The following TAFA5 variants were observed in gnomAD, a reference collection of about 807,000 sequenced individuals.
TAFA5 encodes the protein TAFA chemokine like family member 5, also known as chemokine-like protein TAFA-5.
In TAFA5, 6 loss-of-function variants were observed where a neutral mutation model predicts 15.3. The ratio of observed to expected loss-of-function variants is 0.39; its 90% CI spans 0.21 to 0.77. The LOEUF (loss-of-function observed/expected upper bound fraction) is 0.77. TAFA5 is among the 30% of genes least tolerant of loss of function. The pLI is 0.41. For synonymous variants in TAFA5, 103 were observed against 80.7 expected (o/e 1.28, Z -1.48); for missense variants, 161 against 193.1 (o/e 0.83, Z 0.98).
chr22:48,736,648 T>C (rs1212760522), intron 3 of TAFA5, among the ~76,000 whole-genome samples: 1 of 152,232 alleles, frequency 6.6e-6, no homozygotes, highest in Non-Finnish European at 1.5e-5. Flanking sequence ...TGGAATATTA[T>C]TCAGCCTTAA....
intron 2 of TAFA5, among the ~76,000 whole-genome samples, chr22:48,674,808 G>A (rs1025115057): frequency 3.3e-5 from 5 of 152,190 alleles, no homozygotes; most frequent in East Asian, 1.9e-4. Flanking sequence ...AGCCTGGCCC[G>A]ATGCACAGTT....
intron 1 of TAFA5, among the ~76,000 whole-genome samples, chr22:48,597,058 T>G (rs1252838804): frequency 1.3e-5 from 2 of 152,246 alleles, no homozygotes; most frequent in Non-Finnish European, 2.9e-5. Context: ...CCTCCCGTCT[T>G]GGCCTCCCCA....
At chr22:48,635,419 G>A (rs147006817) in intron 1 of TAFA5, among the ~76,000 whole-genome samples, 1 of 152,316 alleles carries the variant, frequency 6.6e-6, no homozygotes, top group East Asian at 1.9e-4. Context: ...CTGCCTTCCT[G>A]GCCGCCTCTA....
At chr22:48,661,727 A>G (rs1015885564) in intron 2 of TAFA5, among the ~76,000 whole-genome samples, 1 of 152,180 alleles carries the variant, frequency 6.6e-6, no homozygotes, top group African/African-American at 2.4e-5. Context: ...CCTTGTGAGT[A>G]ATGCTCTGGG....
intron 1 of TAFA5, among the ~76,000 whole-genome samples, chr22:48,522,182 G>C (rs1365540033): frequency 6.6e-6 from 1 of 152,028 alleles, no homozygotes; most frequent in Non-Finnish European, 1.5e-5. Context: ...GACGGTTGCT[G>C]TCCAAGACTG....
At chr22:48,614,293 C>G (rs528828112) in intron 1 of TAFA5, among the ~76,000 whole-genome samples, 8 of 152,344 alleles carry the variant, frequency 5.3e-5, no homozygotes, top group South Asian at 4.1e-4. Context: ...ATCTGCCCCC[C>G]ACAACTGTTT....
At chr22:48,506,755 C>T (rs1921007554) in intron 1 of TAFA5, among the ~76,000 whole-genome samples, 1 of 152,228 alleles carries the variant, frequency 6.6e-6, no homozygotes, top group South Asian at 2.1e-4. Context: ...TAGCAGTGAC[C>T]TCTTCCGGCC....
rs144684822 is a variant in TAFA5 at position 48,609,240 on chromosome 22, G to C, written c.113-37357G>C. 4.1e-3 allele frequency among the ~76,000 whole-genome samples: 619 copies of C among 152,296 alleles called. 3 individuals are homozygous for C. The highest frequency in any genetic ancestry group is 0.014 in the African/African-American group (595 of 41,552). ...AGGTTCCTGGGTGAGGCCTGAAGAGGGAGATTGTGTTTTCAGAAATCAAAG... is the reference window on the plus strand; with the variant it reads ...AGGTTCCTGGGTGAGGCCTGAAGAGCGAGATTGTGTTTTCAGAAATCAAAG... On this transcript the variant is annotated intron_variant, in intron 1 of 3. Transcript: ENST00000402357.
In TAFA5 at chr22:48,608,120, C is replaced by CAGGCTGCCAGCCCCTCCCACGGCCCT. The variant is rs1569045458; in HGVS notation, c.113-38477_113-38476insAGGCTGCCAGCCCCTCCCACGGCCCT. 3.3e-3 allele frequency among the ~76,000 whole-genome samples: 506 copies of CAGGCTGCCAGCCCCTCCCACGGCCCT among 151,894 alleles called. 7 individuals are homozygous for CAGGCTGCCAGCCCCTCCCACGGCCCT. Among genetic ancestry groups the CAGGCTGCCAGCCCCTCCCACGGCCCT allele is most frequent in the African/African-American group, 0.012 (492 of 41,402 alleles). ...AGGCTGCCAGCCCCTCCCACGGCCC[C>CAGGCTGCCAGCCCCTCCCACGGCCCT]GGGCTGCCAGACCCCTGCTTCTCGG... On this transcript the variant is annotated intron_variant, in intron 1 of 3. Coordinates refer to ENST00000402357, the MANE Select transcript of TAFA5 (RefSeq NM_001082967.3).
At chr22:48,647,186 C>T (rs1406235644) in intron 2 of TAFA5, among the ~76,000 whole-genome samples, 1 of 152,198 alleles carries the variant, frequency 6.6e-6, no homozygotes. Context: ...GTTCAAGACA[C>T]TCTCATGCCT....
At chr22:48,593,506 G>A (rs1924650737) in intron 1 of TAFA5, among the ~76,000 whole-genome samples, 1 of 152,158 alleles carries the variant, frequency 6.6e-6, no homozygotes, top group Non-Finnish European at 1.5e-5. Flanking sequence ...AGGACTGATG[G>A]GGGTGGCTGG....
chr22:48,689,480 G>T (rs73435856), intron 2 of TAFA5, among the ~76,000 whole-genome samples: 3 of 152,212 alleles, frequency 2.0e-5, no homozygotes. Context: ...AGAAGCACAG[G>T]GTCGGGTTCT....
chr22:48,575,190 G>A (rs1187531907), intron 1 of TAFA5, among the ~76,000 whole-genome samples: 1 of 152,062 alleles, frequency 6.6e-6, no homozygotes, highest in Non-Finnish European at 1.5e-5. Flanking sequence ...TCGAGGCCCC[G>A]CGTCCGGTCT....
At chr22:48,506,184 G>A (rs753104228) in intron 1 of TAFA5, among the ~76,000 whole-genome samples, 2 of 152,144 alleles carry the variant, frequency 1.3e-5, no homozygotes, top group Non-Finnish European at 2.9e-5. Flanking sequence ...CTGCAGCCCC[G>A]CACTTGTTCA....
chr22:48,652,767 C>T (rs984346362), intron 2 of TAFA5, among the ~76,000 whole-genome samples: 5 of 152,216 alleles, frequency 3.3e-5, no homozygotes, highest in Non-Finnish European at 7.3e-5. Context: ...TTCCAGTACG[C>T]GACGGAGACC....
At chr22:48,635,803 C>T (rs182558078) in intron 1 of TAFA5, among the ~76,000 whole-genome samples, 26 of 152,146 alleles carry the variant, frequency 1.7e-4, no homozygotes, top group East Asian at 5.8e-4. Flanking sequence ...GAACCACAGA[C>T]GCTCTGGCTT....
At chr22:48,721,759 A>T (rs113148686) in intron 3 of TAFA5, among the ~76,000 whole-genome samples, 1 of 152,144 alleles carries the variant, frequency 6.6e-6, no homozygotes, top group Admixed American at 6.5e-5. Flanking sequence ...ACTTGAAGTC[A>T]GGGGTTCGAA....
chr22:48,690,743 G>A (rs1416013887), intron 2 of TAFA5, among the ~76,000 whole-genome samples: 2 of 152,202 alleles, frequency 1.3e-5, no homozygotes, highest in Non-Finnish European at 1.5e-5. Flanking sequence ...CAAGCTGGAC[G>A]TGACCTGAGG....
intron 3 of TAFA5, among the ~76,000 whole-genome samples, chr22:48,726,849 G>C (rs1929730774): frequency 6.6e-6 from 1 of 152,200 alleles, no homozygotes; most frequent in Non-Finnish European, 1.5e-5. Context: ...CCCGGATCTG[G>C]AGCCTCAATC....
Sources: allele counts gnomAD v4.1 joint callset (sites outside exome capture counted in the v4.1 genomes callset), GRCh38; gene constraint gnomAD v4.1.1; transcripts MANE v1.5; gene names NCBI Gene and HGNC (gene_info 2026-07-23, HGNC 2026-07-21).